DEPTOR: variants seen among roughly 807,000 people sequenced by gnomAD.
DEPTOR encodes the protein DEP domain-containing mTOR-interacting protein.
Under a neutral mutation model 41.6 loss-of-function variants are expected in DEPTOR, and 41 were observed. That is an observed-to-expected ratio of 0.98 (90% CI 0.77 to 1.28). DEPTOR has a LOEUF of 1.28. Among genes scored for constraint, DEPTOR ranks in the 50% most tolerant of loss-of-function variants. DEPTOR has a pLI of 0.00. For missense variants in DEPTOR, 514 were observed against 527.9 expected (o/e 0.97, Z 0.26); for synonymous variants, 195 against 192.3 (o/e 1.01, Z -0.12).
chr8:120,006,489 A>G (rs1354686943), intron 6 of DEPTOR, among the ~76,000 whole-genome samples: 5 of 151,302 alleles, frequency 3.3e-5, no homozygotes, highest in African/African-American at 9.7e-5. Flanking sequence ...GCATCATTGC[A>G]CTCCATCCTG....
In DEPTOR at chr8:119,965,443, C is replaced by T. The variant is rs938031086; in HGVS notation, c.604+33C>T. 4 of 1,598,256 alleles carry T rather than the reference C, an allele frequency of 2.5e-6. No homozygotes were observed. The African/African-American group carries it at 5.4e-5, about 21-fold the overall frequency. Reference sequence around the variant, plus strand: ...TATTGGGCAGCTTTTGCTGCAGGAACAAACAGCCAGCCCCAAATCTTGTGT... The same window carrying T: ...TATTGGGCAGCTTTTGCTGCAGGAATAAACAGCCAGCCCCAAATCTTGTGT... On this transcript the variant is annotated intron_variant, in intron 4 of 8. Transcript: ENST00000286234.
intron 1 of DEPTOR, among the ~76,000 whole-genome samples, chr8:119,891,797 G>T (rs1230498936): frequency 6.6e-6 from 1 of 152,110 alleles, no homozygotes; most frequent in Non-Finnish European, 1.5e-5. Flanking sequence ...GAGAGTCCCA[G>T]CCAAAGCTGT....
chr8:120,034,133 G>A (rs1563598575), intron 8 of DEPTOR, among the ~76,000 whole-genome samples: 1 of 152,110 alleles, frequency 6.6e-6, no homozygotes, highest in Non-Finnish European at 1.5e-5. Context: ...GTTGAAGGTT[G>A]CTTAGTCCCG....
At chr8:120,036,616 A>T (rs753722443) in intron 8 of DEPTOR, among the ~76,000 whole-genome samples, 2 of 152,112 alleles carry the variant, frequency 1.3e-5, no homozygotes, top group Non-Finnish European at 2.9e-5. Flanking sequence ...CAAACACATA[A>T]CTTATTTACT....
At chr8:119,996,952 G>A (rs1278038627) in intron 4 of DEPTOR, among the ~76,000 whole-genome samples, 1 of 152,110 alleles carries the variant, frequency 6.6e-6, no homozygotes, top group Non-Finnish European at 1.5e-5. Context: ...ACTGAGTATA[G>A]CGATGTAGTG....
chr8:119,955,746 G>A lies in DEPTOR; in HGVS notation c.426-9486G>A, dbSNP rs1828409852. ...CTCCCAAAGTGCTGGGATTACAGGT[G>A]TGAGCCACTGCACCCTGCTGACATA... On this transcript the variant is annotated intron_variant, in intron 3 of 8. Transcript: ENST00000286234. 3.9e-5 allele frequency among the ~76,000 whole-genome samples: 6 copies of A among 152,094 alleles called. No individual in the cohort carries two copies. In the South Asian group the frequency reaches 1.2e-3, roughly 32 times the overall value.
intron 4 of DEPTOR, among the ~76,000 whole-genome samples, chr8:119,993,949 G>A (rs1437696262): frequency 1.3e-5 from 2 of 152,032 alleles, no homozygotes; most frequent in Non-Finnish European, 1.5e-5. Flanking sequence ...CTGAGGTCAG[G>A]AGTTTGAGAT....
At chr8:120,027,450 A>G (rs919526060) in intron 8 of DEPTOR, among the ~76,000 whole-genome samples, 8 of 151,780 alleles carry the variant, frequency 5.3e-5, no homozygotes, top group Non-Finnish European at 1.5e-5. Context: ...CACACCTGTA[A>G]TCCTGGCATT....
At chr8:120,004,221 T>C (rs1563589133) in intron 6 of DEPTOR, among the ~76,000 whole-genome samples, 1 of 152,248 alleles carries the variant, frequency 6.6e-6, no homozygotes, top group Non-Finnish European at 1.5e-5. Context: ...TGGTATTATC[T>C]AGGAAGGTGG....
chr8:119,967,064 T>TTTTTG (rs1173247161), intron 4 of DEPTOR, among the ~76,000 whole-genome samples: 29 of 151,920 alleles, frequency 1.9e-4, no homozygotes, highest in South Asian at 8.3e-4. Flanking sequence ...ATGGGAGTCT[T>TTTTTG]TTTTGTTTTG....
chr8:120,019,113 T>C (rs1812657114), intron 8 of DEPTOR, among the ~76,000 whole-genome samples: 1 of 152,102 alleles, frequency 6.6e-6, no homozygotes, highest in Non-Finnish European at 1.5e-5. Flanking sequence ...GACACCAGCC[T>C]GGCCAACATG....
At chr8:119,979,633 G>A (rs1379848184) in intron 4 of DEPTOR, among the ~76,000 whole-genome samples, 1 of 151,950 alleles carries the variant, frequency 6.6e-6, no homozygotes, top group Non-Finnish European at 1.5e-5. Context: ...CCAACAAAGA[G>A]CTCACCCCAC....
At chr8:119,881,230 G>C (rs951930384) in intron 1 of DEPTOR, among the ~76,000 whole-genome samples, 4 of 152,104 alleles carry the variant, frequency 2.6e-5, no homozygotes, top group African/African-American at 9.7e-5. Context: ...TCAGAAAAAA[G>C]GTAAAAACAG....
chr8:119,981,136 C>T (rs1828761843), intron 4 of DEPTOR, among the ~76,000 whole-genome samples: 1 of 152,140 alleles, frequency 6.6e-6, no homozygotes, highest in Non-Finnish European at 1.5e-5. Flanking sequence ...GTTCTATGGC[C>T]TCCATGAGAA....
intron 2 of DEPTOR, among the ~76,000 whole-genome samples, chr8:119,929,579 G>A (rs892859658): frequency 6.6e-6 from 1 of 152,124 alleles, no homozygotes; most frequent in Admixed American, 6.6e-5. Context: ...TGATGATGAT[G>A]ATGATGATGA....
intron 6 of DEPTOR, among the ~76,000 whole-genome samples, chr8:120,005,315 A>G (rs751084704): frequency 7.9e-5 from 12 of 152,332 alleles, no homozygotes; most frequent in South Asian, 2.1e-4. Context: ...TTTGGCGAAC[A>G]TAAATTAATT....
intron 3 of DEPTOR, among the ~76,000 whole-genome samples, chr8:119,942,486 G>A (rs913054363): frequency 1.3e-5 from 2 of 152,136 alleles, no homozygotes; most frequent in Admixed American, 6.6e-5. Flanking sequence ...GATTACAGGC[G>A]TGAGCCACCG....
At chr8:120,002,791 A>AAATATATATATATAT in intron 5 of DEPTOR, among the ~76,000 whole-genome samples, 186 bp from the exon 6 acceptor site, 14 of 60,672 alleles carry the variant, frequency 2.3e-4, no homozygotes, top group African/African-American at 6.8e-4. Flanking sequence ...AAAAAAAAAA[A>AAATATATATATATAT]ATATATATAT....
At chr8:119,881,514 ACT>A (rs1274168379) in intron 1 of DEPTOR, among the ~76,000 whole-genome samples, 1 of 150,838 alleles carries the variant, frequency 6.6e-6, no homozygotes, top group Non-Finnish European at 1.5e-5. Flanking sequence ...ACACAGTGAG[ACT>A]CTGTCTCAAA....
Sources: gnomAD v4.1 joint callset for allele counts (sites outside exome capture counted in the v4.1 genomes callset) on GRCh38, gnomAD v4.1.1 for gene constraint, MANE v1.5 for transcripts, NCBI Gene and HGNC (gene_info 2026-07-23, HGNC 2026-07-21) for gene names.